The following PTPRD variants were observed in gnomAD, a reference collection of about 807,000 sequenced individuals.
PTPRD encodes the protein protein tyrosine phosphatase receptor type D.
A neutral mutation model predicts 214.5 loss-of-function variants in PTPRD; 34 were observed. The ratio of observed to expected loss-of-function variants is 0.16; its 90% CI spans 0.12 to 0.21. The LOEUF (loss-of-function observed/expected upper bound fraction) is 0.21. PTPRD is among the 10% of genes least tolerant of loss of function. PTPRD has a pLI of 1.00. For missense variants in PTPRD, 2,545 were observed against 2,398.7 expected (o/e 1.06, Z -1.27); for synonymous variants, 1,128 against 845.7 (o/e 1.33, Z -5.79).
rs146341071 is a variant in PTPRD at position 9,753,057 on chromosome 9, C to T, written c.-326+13753G>A. On this transcript the variant is annotated intron_variant, in intron 6 of 45. Coordinates refer to ENST00000381196, the MANE Select transcript of PTPRD (RefSeq NM_002839.4). ...CTGGTGTGCTCTGCTTTTAAGTATG[C>T]ATTGTGAGAAGAAATGTTAGACTTT... Among the ~76,000 whole-genome samples, 594 of 152,138 alleles carry T rather than the reference C, an allele frequency of 3.9e-3. 3 individuals carry two copies. The highest frequency in any genetic ancestry group is 0.014 in the African/African-American group (570 of 41,534).
chr9:9,045,222 T>C (rs999104247), intron 10 of PTPRD, among the ~76,000 whole-genome samples: 1 of 152,178 alleles, frequency 6.6e-6, no homozygotes. Context: ...ACGTTATGAA[T>C]GCCCAGAGAG....
intron 3 of PTPRD, among the ~76,000 whole-genome samples, chr9:10,097,775 G>C (rs1359923733): frequency 6.6e-6 from 1 of 151,836 alleles, no homozygotes; most frequent in Non-Finnish European, 1.5e-5. Flanking sequence ...CCAACACTAT[G>C]TTGAATAGGA....
At chr9:8,469,353 G>A (rs1032211177) in intron 31 of PTPRD, among the ~76,000 whole-genome samples, 1 of 152,018 alleles carries the variant, frequency 6.6e-6, no homozygotes, top group Non-Finnish European at 1.5e-5. Flanking sequence ...ACTATTTGAT[G>A]TCATTCTGGC....
chr9:9,140,587 T>C (rs1490358083), intron 10 of PTPRD, among the ~76,000 whole-genome samples: 2 of 152,198 alleles, frequency 1.3e-5, no homozygotes, highest in Non-Finnish European at 2.9e-5. Context: ...ACATCTTTTT[T>C]TATTTTTTTG....
chr9:8,526,478 T>G, intron 17 of PTPRD, 149 bp downstream of exon 17: 1 of 469,608 alleles, frequency 2.1e-6, no homozygotes, highest in Non-Finnish European at 3.7e-6. Context: ...AATATGAGAG[T>G]CACTGATCAT....
chr9:8,673,624 G>A (rs2097334316), intron 12 of PTPRD, among the ~76,000 whole-genome samples: 1 of 151,884 alleles, frequency 6.6e-6, no homozygotes, highest in Non-Finnish European at 1.5e-5. Context: ...TCTCATTTAT[G>A]TTTTTCTCTT....
chr9:10,310,682 C>T (rs749979185), intron 3 of PTPRD, among the ~76,000 whole-genome samples: 1 of 152,062 alleles, frequency 6.6e-6, no homozygotes, highest in Non-Finnish European at 1.5e-5. Context: ...AAGCTTTTGG[C>T]TGAAACTCTA....
At chr9:10,168,384 G>T (rs2099172798) in intron 3 of PTPRD, among the ~76,000 whole-genome samples, 1 of 146,264 alleles carries the variant, frequency 6.8e-6, no homozygotes, top group Non-Finnish European at 1.5e-5. Context: ...AAATGTCTGT[G>T]TAATGATCTA....
chr9:9,503,175 C>G (rs947427764), intron 8 of PTPRD, among the ~76,000 whole-genome samples: 1 of 151,734 alleles, frequency 6.6e-6, no homozygotes. Context: ...GTAATTTTCT[C>G]TCAGATACTC....
intron 12 of PTPRD, among the ~76,000 whole-genome samples, chr9:8,689,914 C>G (rs149188229): frequency 4.4e-4 from 67 of 152,060 alleles, no homozygotes; most frequent in Middle Eastern, 3.4e-3. Flanking sequence ...TCAAGACCAG[C>G]CTAGCCAACA....
intron 3 of PTPRD, among the ~76,000 whole-genome samples, chr9:10,099,857 G>A (rs932127836): frequency 1.7e-4 from 26 of 151,648 alleles, no homozygotes; most frequent in Non-Finnish European, 3.4e-4. Flanking sequence ...GACATTTTAT[G>A]AAAGATAGTT....
chr9:9,450,008 T>C (rs1212279819), intron 8 of PTPRD, among the ~76,000 whole-genome samples: 3 of 152,024 alleles, frequency 2.0e-5, no homozygotes, highest in Non-Finnish European at 4.4e-5. Flanking sequence ...CCTGAGTTAC[T>C]TTACTTAGAA....
At chr9:9,491,562 G>T (rs540190468) in intron 8 of PTPRD, among the ~76,000 whole-genome samples, 168 of 151,806 alleles carry the variant, frequency 1.1e-3, no homozygotes, top group African/African-American at 3.9e-3. Flanking sequence ...GTCTCAATAG[G>T]TTAGAAAATA....
chr9:9,190,417 G>A (rs926855646), intron 9 of PTPRD, among the ~76,000 whole-genome samples: 2 of 152,092 alleles, frequency 1.3e-5, no homozygotes, highest in Middle Eastern at 3.4e-3. Context: ...GGGTTTATCA[G>A]GGGTTTCTGT....
intron 9 of PTPRD, among the ~76,000 whole-genome samples, chr9:9,395,769 A>G (rs1236765312): frequency 6.6e-6 from 1 of 152,044 alleles, no homozygotes; most frequent in Admixed American, 6.6e-5. Context: ...GGAATGTGGT[A>G]CGAAACCAAA....
At chr9:9,437,292 T>C (rs549003296) in intron 8 of PTPRD, among the ~76,000 whole-genome samples, 92 of 152,220 alleles carry the variant, frequency 6.0e-4, no homozygotes, top group Non-Finnish European at 1.3e-3. Context: ...TTCTTGGAAG[T>C]TTTTTCAAAA....
chr9:9,466,042 T>G (rs534341582), intron 8 of PTPRD, among the ~76,000 whole-genome samples: 1 of 152,232 alleles, frequency 6.6e-6, no homozygotes, highest in African/African-American at 2.4e-5. Flanking sequence ...GGTGTGATGG[T>G]TCACACCTAT....
intron 3 of PTPRD, among the ~76,000 whole-genome samples, chr9:10,333,262 G>T (rs180706167): frequency 2.0e-5 from 3 of 151,878 alleles, no homozygotes; most frequent in African/African-American, 7.2e-5. Context: ...CTCCCTGAAA[G>T]GGGGGTTGAA....
At chr9:8,357,816 G>A (rs1432715384) in intron 39 of PTPRD, among the ~76,000 whole-genome samples, 4 of 152,016 alleles carry the variant, frequency 2.6e-5, no homozygotes, top group Non-Finnish European at 5.9e-5. Context: ...TAGGCATAAT[G>A]CTAATTACAA....
Sources: allele counts gnomAD v4.1 joint callset (sites outside exome capture counted in the v4.1 genomes callset), GRCh38; gene constraint gnomAD v4.1.1; transcripts MANE v1.5; gene names NCBI Gene and HGNC (gene_info 2026-07-23, HGNC 2026-07-21).